ACP6: variants seen among roughly 807,000 people sequenced by gnomAD.
ACP6 encodes lysophosphatidic acid phosphatase type 6.
Under a neutral mutation model 48.1 loss-of-function variants are expected in ACP6, and 48 were observed. The ratio of observed to expected loss-of-function variants is 1.00; its 90% CI spans 0.79 to 1.27. ACP6 has a LOEUF of 1.27. Ranked by LOEUF, ACP6 falls within the 50% of genes most tolerant of loss-of-function variation. ACP6 has a pLI of 0.00. For synonymous variants in ACP6, 172 were observed against 204.2 expected, an observed-to-expected ratio of 0.84 and a Z score of 1.34; for missense variants, 485 against 529.1, an observed-to-expected ratio of 0.92 and a Z score of 0.82.
chr1:147,648,468 T>G (rs1659748460), intron 8 of ACP6, 57 bp from the exon 9 acceptor site: 6 of 1,593,552 alleles, frequency 3.8e-6, no homozygotes, highest in Non-Finnish European at 5.1e-6. Flanking sequence ...AAGGTCAGGA[T>G]GTGGCCTGCC....
At chr1:147,668,192 G>A (rs1405100358) in intron 1 of ACP6, among the ~76,000 whole-genome samples, 1 of 152,160 alleles carries the variant, frequency 6.6e-6, no homozygotes, top group Non-Finnish European at 1.5e-5. Context: ...AAAGTCTGGA[G>A]AATATGAGCA....
At chr1:147,641,309 C>T (rs1287573417), downstream of ACP6, among the ~76,000 whole-genome samples, 1 of 152,184 alleles carries the variant, frequency 6.6e-6, no homozygotes, top group African/African-American at 2.4e-5. Flanking sequence ...TTGGGCCCTT[C>T]AGGGTTTCTG....
At position 147,647,141 on chromosome 1, in the gene ACP6, C is replaced by T; in HGVS notation, c.*282G>A. 1 of 331,300 alleles carries T rather than the reference C, an allele frequency of 3.0e-6. No homozygotes were observed. The highest frequency in any genetic ancestry group is 4.0e-5 in the South Asian group (1 of 24,796). The allele number at this position is 331,300 out of a possible 1,614,324, so 20.5% of individuals were successfully genotyped here. A position where few individuals can be genotyped will look rare whatever the true frequency, so the allele number is the denominator to read the frequency against. On this transcript the variant is annotated 3_prime_UTR_variant, in exon 10 of 10. Transcript: ENST00000583509. Reference sequence around the variant, plus strand: ...GAAAAGAACTAAAGTCCAAAACCGACACAATTCTACAGGGTCATGATGTCC... The same window carrying T: ...GAAAAGAACTAAAGTCCAAAACCGATACAATTCTACAGGGTCATGATGTCC...
chr1:147,630,885 A>C (rs1659147099), exon 6 of ACP6: 3 of 152,216 alleles, frequency 2.0e-5, no homozygotes, highest in Non-Finnish European at 2.9e-5. Context: ...ACACATATAC[A>C]CATACAGATT....
In ACP6 at chr1:147,644,514, G is replaced by C. The variant is rs1210089024; in HGVS notation, c.*2909C>G. Reference sequence around the variant, plus strand: ...ACACTGTGTTGAGAATAGATGGGCAGAGAAGGGAAGGGCAGAAACAGGAAG... The same window carrying C: ...ACACTGTGTTGAGAATAGATGGGCACAGAAGGGAAGGGCAGAAACAGGAAG... On this transcript the variant is annotated 3_prime_UTR_variant, in exon 10 of 10. Transcript: ENST00000583509. 1.3e-5 allele frequency: 2 copies of C among 152,224 alleles called. No individual in the cohort carries two copies. Among genetic ancestry groups the C allele is most frequent in the Non-Finnish European group, 2.9e-5 (2 of 68,056 alleles). 9.4% of individuals were successfully genotyped at this position (152,224 alleles called of 1,614,324 possible).
At chr1:147,631,325 C>T (rs1288241323) in intron 5 of ACP6, among the ~76,000 whole-genome samples, 8 of 152,212 alleles carry the variant, frequency 5.3e-5, no homozygotes, top group Admixed American at 1.3e-4. Flanking sequence ...TAATTCTTTA[C>T]TCCTCATGTA....
chr1:147,657,364 A>G (rs1198485849), intron 4 of ACP6, among the ~76,000 whole-genome samples: 2 of 152,168 alleles, frequency 1.3e-5, no homozygotes, highest in Non-Finnish European at 2.9e-5. Context: ...TTTACTCCTA[A>G]AGCAATATCC....
chr1:147,654,091 C>G (rs1199199585), intron 6 of ACP6, 103 bp downstream of exon 6: 6 of 1,529,346 alleles, frequency 3.9e-6, no homozygotes, highest in Admixed American at 2.2e-5. Flanking sequence ...ATCACAGTTG[C>G]CTTCAAACCA....
In ACP6 at chr1:147,663,176, T is replaced by C. The variant is rs1274785993; in HGVS notation, c.220-3401A>G. Among the ~76,000 whole-genome samples, 3 of 152,362 alleles carry C rather than the reference T, an allele frequency of 2.0e-5. No individual in the cohort carries two copies. In the East Asian group the frequency reaches 5.8e-4, roughly 29 times the overall value. ...GGTCTCACTTTATTGCGATATTTGCTTTATTGTGGTGGTCTAGACCTGAAT... is the reference window on the plus strand; with the variant it reads ...GGTCTCACTTTATTGCGATATTTGCCTTATTGTGGTGGTCTAGACCTGAAT... On this transcript the variant is annotated intron_variant, in intron 1 of 9. Coordinates refer to ENST00000583509, the MANE Select transcript of ACP6 (RefSeq NM_016361.5).
At chr1:147,658,733 A>G (rs1660379890) in intron 4 of ACP6, among the ~76,000 whole-genome samples, 1 of 152,162 alleles carries the variant, frequency 6.6e-6, no homozygotes, top group South Asian at 2.1e-4. Flanking sequence ...CAGGAGCCAG[A>G]GGCAGATCAG....
intron 1 of ACP6, among the ~76,000 whole-genome samples, chr1:147,666,783 GA>G (rs1660820516): frequency 6.6e-6 from 1 of 152,178 alleles, no homozygotes; most frequent in Non-Finnish European, 1.5e-5. Context: ...CCACGGTTAA[GA>G]ACCATCGATC....
chr1:147,652,732 T>C, intron 6 of ACP6, 183 bp from the exon 7 acceptor site: 1 of 1,219,034 alleles, frequency 8.2e-7, no homozygotes, highest in Non-Finnish European at 1.1e-6. Context: ...CCAAAGCTAT[T>C]ACTAGATACC....
chr1:147,659,069 A>G, intron 3 of ACP6, 30 bp from the exon 4 acceptor site: 1 of 1,574,266 alleles, frequency 6.4e-7, no homozygotes, highest in Non-Finnish European at 8.7e-7. Context: ...AGTGACACTC[A>G]TAAAAGGAAT....
rs587739413 is a variant in ACP6, at chr1:147,661,788, A to C, written c.220-2013T>G. ...CTCTGGTGAACACACAAACAATGAG[A>C]AAGTGAAACAACCTTATTGATAACA... On this transcript the variant is annotated intron_variant, in intron 1 of 9. Coordinates refer to ENST00000583509, the MANE Select transcript of ACP6 (RefSeq NM_016361.5). Among the ~76,000 whole-genome samples the C allele has an allele frequency of 3.9e-5, 6 of 152,378 alleles. No individual in the cohort carries two copies. In the East Asian group the frequency reaches 1.2e-3, roughly 29 times the overall value.
intron 1 of ACP6, among the ~76,000 whole-genome samples, chr1:147,667,594 A>G (rs1660863032): frequency 6.6e-6 from 1 of 152,214 alleles, no homozygotes; most frequent in African/African-American, 2.4e-5. Context: ...ACATATATTA[A>G]TCTATAAACC....
In ACP6 at chr1:147,642,247, A is replaced by T. The variant is rs1349543027; in HGVS notation, c.*5176T>A. 1 of 152,168 alleles carries T rather than the reference A, an allele frequency of 6.6e-6. No individual in the cohort carries two copies. Among genetic ancestry groups the T allele is most frequent in the African/African-American group, 2.4e-5 (1 of 41,422 alleles). The allele number at this position is 152,168 out of a possible 1,614,324, so 9.4% of individuals were successfully genotyped here. On this transcript the variant is annotated 3_prime_UTR_variant, in exon 10 of 10. Transcript: ENST00000583509. ...CAGAAGAGTTAAGTCAGCGTTCTGA[A>T]CTCATTTATTCATTCGGTAAATCTT... is the stretch of plus-strand genomic sequence containing the variant.
Position 147,645,219 on chromosome 1 carries a change from T to C in ACP6, c.*2204A>G, listed in dbSNP as rs587757349. On this transcript the variant is annotated 3_prime_UTR_variant, in exon 10 of 10. Coordinates refer to ENST00000583509, the MANE Select transcript of ACP6 (RefSeq NM_016361.5). ...ATATAATAATTTTATAAAATTATAATAATTTTATAAAAATATAATAATTTT... is the reference window on the plus strand; with the variant it reads ...ATATAATAATTTTATAAAATTATAACAATTTTATAAAAATATAATAATTTT... 1.3e-5 allele frequency: 2 copies of C among 151,096 alleles called. No homozygotes were observed. Among genetic ancestry groups the C allele is most frequent in the South Asian group, 2.1e-4 (1 of 4,830 alleles). 9.4% of individuals were successfully genotyped at this position (151,096 alleles called of 1,614,324 possible).
At chr1:147,657,893 G>A (rs114100233) in intron 4 of ACP6, among the ~76,000 whole-genome samples, 1,593 of 152,370 alleles carry the variant, frequency 0.01, 19 homozygotes, top group Admixed American at 0.02. Context: ...GATATTCCCA[G>A]TCTGGGACCT....
At chr1:147,653,943 G>A (rs1449516714) in intron 6 of ACP6, among the ~76,000 whole-genome samples, 4 of 152,146 alleles carry the variant, frequency 2.6e-5, no homozygotes, top group African/African-American at 9.6e-5. Context: ...AACACAAACT[G>A]CATATTGGGT....
Sources: gnomAD v4.1 joint callset for allele counts (sites outside exome capture counted in the v4.1 genomes callset) on GRCh38, gnomAD v4.1.1 for gene constraint, MANE v1.5 for transcripts, NCBI Gene and HGNC (gene_info 2026-07-23, HGNC 2026-07-21) for gene names.